VAT1L: variants seen among roughly 807,000 people sequenced by gnomAD.
VAT1L encodes putative NADPH-dependent quinone oxidoreductase VAT1L.
Under a neutral mutation model 44.1 loss-of-function variants are expected in VAT1L, and 34 were observed. The observed-to-expected ratio is 0.77, with a 90% CI of 0.59 to 1.03. The LOEUF is 1.03. Ranked by LOEUF, VAT1L falls within the 50% of genes least tolerant of loss-of-function variation. VAT1L has a pLI of 0.00. For missense variants in VAT1L, 615 were observed against 538.8 expected, an observed-to-expected ratio of 1.14 and a Z score of -1.40; for synonymous variants, 253 against 202.2, an observed-to-expected ratio of 1.25 and a Z score of -2.13.
chr16:77,915,137 G>A (rs1261208274), intron 7 of VAT1L, among the ~76,000 whole-genome samples: 1 of 151,662 alleles, frequency 6.6e-6, no homozygotes, highest in African/African-American at 2.4e-5. Flanking sequence ...AAAAAAAAAA[G>A]AGTTGTTGGA....
intron 1 of VAT1L, among the ~76,000 whole-genome samples, chr16:77,814,226 C>G (rs1415234886): frequency 1.3e-5 from 2 of 152,170 alleles, no homozygotes; most frequent in African/African-American, 4.8e-5. Context: ...TCAGGAGAAA[C>G]AGGTCTGATC....
chr16:77,874,041 T>C (rs547073358), intron 4 of VAT1L, among the ~76,000 whole-genome samples: 1 of 152,212 alleles, frequency 6.6e-6, no homozygotes, highest in African/African-American at 2.4e-5. Flanking sequence ...CAAGGAGATA[T>C]GACTGGCAGT....
At chr16:77,893,334 A>C (rs778076819) in intron 7 of VAT1L, among the ~76,000 whole-genome samples, 2 of 152,358 alleles carry the variant, frequency 1.3e-5, no homozygotes, top group East Asian at 3.9e-4. Context: ...TCAGAAATAA[A>C]GGACAAAGGG....
intron 1 of VAT1L, among the ~76,000 whole-genome samples, chr16:77,813,793 T>C (rs2016306576): frequency 6.6e-6 from 1 of 152,204 alleles, no homozygotes; most frequent in Admixed American, 6.5e-5. Context: ...GACCAGCTCA[T>C]TTATTCAGTT....
intron 5 of VAT1L, among the ~76,000 whole-genome samples, chr16:77,878,270 G>A (rs1353357288): frequency 2.0e-5 from 3 of 152,150 alleles, no homozygotes; most frequent in African/African-American, 7.2e-5. Context: ...AGTTACTTTT[G>A]CACCAACTTA....
chr16:77,875,610 G>GAATC (rs924976734), intron 4 of VAT1L, among the ~76,000 whole-genome samples: 1 of 152,130 alleles, frequency 6.6e-6, no homozygotes, highest in Admixed American at 6.5e-5. Context: ...GTGAGTGAGT[G>GAATC]AATCAATGAA....
Position 77,845,357 on chromosome 16 carries a change from C to T in VAT1L, c.580-17391C>T, listed in dbSNP as rs542530717. On this transcript the variant is annotated intron_variant, in intron 3 of 8. Transcript: ENST00000302536. ...GGCAGTATGTTCCTGAGTGTGCTCTCCCCCTCTGTGGGACAGTTAGGAGGT... is the reference window on the plus strand; with the variant it reads ...GGCAGTATGTTCCTGAGTGTGCTCTTCCCCTCTGTGGGACAGTTAGGAGGT... Among the ~76,000 whole-genome samples the T allele has an allele frequency of 3.9e-5, 6 of 152,218 alleles. No homozygotes were observed. The East Asian group carries it at 1.2e-3, about 29-fold the overall frequency.
Position 77,915,878 on chromosome 16 carries a change from A to C in VAT1L, c.1077+31076A>C, listed in dbSNP as rs114082580. ...GGGAAAGTTAGACGAGGAAGGGAAGACAACTCCTGCGAAGTGCATTGTCAA... is the reference window on the plus strand; with the variant it reads ...GGGAAAGTTAGACGAGGAAGGGAAGCCAACTCCTGCGAAGTGCATTGTCAA... On this transcript the variant is annotated intron_variant, in intron 7 of 8. Coordinates refer to ENST00000302536, the MANE Select transcript of VAT1L (RefSeq NM_020927.3). Among the ~76,000 whole-genome samples, 515 of 152,312 alleles carry C rather than the reference A, an allele frequency of 3.4e-3. 5 individuals carry two copies. Among genetic ancestry groups the C allele is most frequent in the African/African-American group, 0.011 (467 of 41,556 alleles).
chr16:77,852,502 C>T (rs1238074349), intron 3 of VAT1L, among the ~76,000 whole-genome samples: 1 of 152,176 alleles, frequency 6.6e-6, no homozygotes, highest in Non-Finnish European at 1.5e-5. Flanking sequence ...AGCAATAAGG[C>T]CCCTTGCATT....
chr16:77,909,002 A>C (rs1362241927), intron 7 of VAT1L, among the ~76,000 whole-genome samples: 1 of 152,220 alleles, frequency 6.6e-6, no homozygotes, highest in African/African-American at 2.4e-5. Context: ...GGATGATAAT[A>C]ATATGACAAT....
At chr16:77,848,428 C>G (rs1017442274) in intron 3 of VAT1L, among the ~76,000 whole-genome samples, 1 of 152,142 alleles carries the variant, frequency 6.6e-6, no homozygotes, top group Non-Finnish European at 1.5e-5. Flanking sequence ...CTTGGCCCCC[C>G]ATGTGGGATT....
chr16:77,961,650 T>A (rs1224191394), intron 7 of VAT1L, among the ~76,000 whole-genome samples: 1 of 152,134 alleles, frequency 6.6e-6, no homozygotes, highest in Non-Finnish European at 1.5e-5. Flanking sequence ...TACCCAGGAA[T>A]TTCCTGCCAT....
chr16:77,928,469 A>T lies in VAT1L; in HGVS notation c.1078-43381A>T, dbSNP rs150959279. Among the ~76,000 whole-genome samples, 520 of 152,310 alleles carry T rather than the reference A, an allele frequency of 3.4e-3. 6 individuals carry two copies. The highest frequency in any genetic ancestry group is 0.012 in the African/African-American group (496 of 41,552). On this transcript the variant is annotated intron_variant, in intron 7 of 8. Coordinates refer to ENST00000302536, the MANE Select transcript of VAT1L (RefSeq NM_020927.3). ...AAAAGATCAAGTATTGAGATTTTTC[A>T]TAACACTATCCTGTGAGAGACAAAA...
chr16:77,957,683 C>G (rs981491147), intron 7 of VAT1L, among the ~76,000 whole-genome samples: 4 of 151,280 alleles, frequency 2.6e-5, no homozygotes, highest in African/African-American at 9.7e-5. Flanking sequence ...TGAGATCGGG[C>G]CACTGCAGTC....
intron 1 of VAT1L, among the ~76,000 whole-genome samples, chr16:77,803,417 CTTT>C (rs11379202): frequency 2.8e-5 from 3 of 105,530 alleles, no homozygotes; most frequent in South Asian, 3.2e-4. Context: ...ACTAGACATT[CTTT>C]TTTTTTTTTT....
chr16:77,869,685 C>A (rs571440792), intron 4 of VAT1L, among the ~76,000 whole-genome samples: 1 of 152,064 alleles, frequency 6.6e-6, no homozygotes, highest in African/African-American at 2.4e-5. Flanking sequence ...TAAAAAAAAC[C>A]ACCCACTTCG....
intron 7 of VAT1L, among the ~76,000 whole-genome samples, chr16:77,898,576 GT>G (rs145942799): frequency 1.1e-3 from 171 of 152,050 alleles, no homozygotes; most frequent in African/African-American, 4.0e-3. Context: ...GGCCTCCTCT[GT>G]GGGGTTGCTG....
intron 3 of VAT1L, among the ~76,000 whole-genome samples, chr16:77,851,427 T>G (rs1464303685): frequency 2.0e-5 from 3 of 152,156 alleles, no homozygotes; most frequent in Non-Finnish European, 4.4e-5. Context: ...GGTGAAAGGA[T>G]TGCTTGAGGC....
At chr16:77,821,899 A>G (rs2016459100) in intron 2 of VAT1L, among the ~76,000 whole-genome samples, 1 of 152,154 alleles carries the variant, frequency 6.6e-6, no homozygotes, top group African/African-American at 2.4e-5. Context: ...AGGAAAATCA[A>G]ATATTTTCCT....
Sources: gnomAD v4.1 joint callset for allele counts (sites outside exome capture counted in the v4.1 genomes callset) on GRCh38, gnomAD v4.1.1 for gene constraint, MANE v1.5 for transcripts, NCBI Gene and HGNC (gene_info 2026-07-23, HGNC 2026-07-21) for gene names.